The following CFAP20DC variants were observed in gnomAD, a reference collection of about 807,000 sequenced individuals.
CFAP20DC encodes protein CFAP20DC.
A neutral mutation model predicts 101.7 loss-of-function variants in CFAP20DC; 84 were observed. That is an observed-to-expected ratio of 0.83 (90% CI 0.69 to 0.99). CFAP20DC has a LOEUF of 0.99. Ranked by LOEUF, CFAP20DC falls within the 50% of genes least tolerant of loss-of-function variation. The pLI, the probability that CFAP20DC is intolerant of heterozygous loss-of-function variation, is 0.00. For missense variants in CFAP20DC, 1,007 were observed against 970.3 expected (o/e 1.04, Z -0.50); for synonymous variants, 359 against 351.2 (o/e 1.02, Z -0.25).
In CFAP20DC at chr3:58,803,734, T is replaced by C. The variant is rs553833329; in HGVS notation, c.2237+2661A>G. 2.0e-5 allele frequency among the ~76,000 whole-genome samples: 3 copies of C among 152,352 alleles called. No individual in the cohort carries two copies. In the East Asian group the frequency reaches 5.8e-4, roughly 29 times the overall value. Reference sequence around the variant, plus strand: ...GTTTTCTGAACAGTTATATGATAATTTTTTAGGAAACTGGTAGATAACTTG... The same window carrying C: ...GTTTTCTGAACAGTTATATGATAATCTTTTAGGAAACTGGTAGATAACTTG... On this transcript the variant is annotated intron_variant, in intron 15 of 16. Transcript: ENST00000482387.
chr3:58,848,820 A>G (rs1185555791), intron 13 of CFAP20DC, among the ~76,000 whole-genome samples: 1 of 152,206 alleles, frequency 6.6e-6, no homozygotes, highest in East Asian at 1.9e-4. Context: ...CTTTCTCATT[A>G]AAAACATGAG....
intron 1 of CFAP20DC, 96 bp downstream of exon 1, chr3:59,049,515 G>T: frequency 8.8e-7 from 1 of 1,130,716 alleles, no homozygotes. Context: ...ACCTTATTAT[G>T]GGGATAGAGG....
At chr3:58,956,554 T>C (rs1303792480) in intron 4 of CFAP20DC, among the ~76,000 whole-genome samples, 3 of 152,132 alleles carry the variant, frequency 2.0e-5, no homozygotes, top group African/African-American at 7.2e-5. Context: ...TTTTTGACTT[T>C]AGTCCCTGGC....
chr3:58,852,917 T>A (rs868152951), intron 12 of CFAP20DC, among the ~76,000 whole-genome samples: 2 of 151,146 alleles, frequency 1.3e-5, no homozygotes, highest in Admixed American at 1.3e-4. Flanking sequence ...ACATCACAAT[T>A]AAAAGAACTA....
chr3:58,801,779 G>T (rs1160300578), intron 15 of CFAP20DC, among the ~76,000 whole-genome samples: 1 of 152,204 alleles, frequency 6.6e-6, no homozygotes, highest in Non-Finnish European at 1.5e-5. Context: ...GGCTTTATCA[G>T]ATAATTATGG....
chr3:59,043,963 C>A (rs1290899577), intron 3 of CFAP20DC, among the ~76,000 whole-genome samples: 1 of 152,164 alleles, frequency 6.6e-6, no homozygotes, highest in Non-Finnish European at 1.5e-5. Context: ...GAAGATGATT[C>A]AGGAAGATCC....
At chr3:58,905,875 G>C (rs2083536312) in intron 6 of CFAP20DC, among the ~76,000 whole-genome samples, 1 of 152,062 alleles carries the variant, frequency 6.6e-6, no homozygotes, top group Non-Finnish European at 1.5e-5. Context: ...ACCAAATCTT[G>C]GCATTCTTAC....
Position 58,912,642 on chromosome 3 carries a change from A to T in CFAP20DC, c.550+1066T>A. Reference sequence around the variant, plus strand: ...TTAACAAATAATAATCCCAGATGAAAATCAAAAGGAGGCATCAGTATTCTT... The same window carrying T: ...TTAACAAATAATAATCCCAGATGAATATCAAAAGGAGGCATCAGTATTCTT... On this transcript the variant is annotated intron_variant, in intron 6 of 16. Transcript: ENST00000482387. This position sits in a 1 kb window ranked among gnomAD's most constrained non-coding sequence, Gnocchi z 4.4. 2.3e-6 allele frequency: 1 copy of T among 428,694 alleles called. No homozygotes were observed. The highest frequency in any genetic ancestry group is 1.7e-5 in the South Asian group (1 of 58,736). The allele number at this position is 428,694 out of a possible 1,614,324, so 26.6% of individuals were successfully genotyped here. A position where few individuals can be genotyped will look rare whatever the true frequency, so the allele number is the denominator to read the frequency against.
chr3:59,027,178 T>C (rs748840616), intron 4 of CFAP20DC, among the ~76,000 whole-genome samples: 1 of 152,142 alleles, frequency 6.6e-6, no homozygotes, highest in Non-Finnish European at 1.5e-5. Context: ...TCAAACTCCA[T>C]TCAGATACAA....
At chr3:58,810,975 T>C (rs1476057384) in intron 14 of CFAP20DC, among the ~76,000 whole-genome samples, 1 of 151,766 alleles carries the variant, frequency 6.6e-6, no homozygotes, top group African/African-American at 2.4e-5. Flanking sequence ...GAGAAGAAAA[T>C]ACCTAGGAAT....
chr3:58,988,895 C>T (rs941166475), intron 4 of CFAP20DC, among the ~76,000 whole-genome samples: 11 of 152,036 alleles, frequency 7.2e-5, no homozygotes, highest in African/African-American at 2.7e-4. Flanking sequence ...ACCATCAATA[C>T]CCATGGTTCC....
chr3:58,849,997 C>G (rs1575917964), intron 12 of CFAP20DC, among the ~76,000 whole-genome samples: 1 of 151,934 alleles, frequency 6.6e-6, no homozygotes, highest in Non-Finnish European at 1.5e-5. Flanking sequence ...TATTTTTCCA[C>G]AAAATATGAA....
chr3:58,884,771 C>T, intron 6 of CFAP20DC, 62 bp from the exon 7 acceptor site: 1 of 1,309,934 alleles, frequency 7.6e-7, no homozygotes, highest in Admixed American at 2.1e-5. Flanking sequence ...ATGGACCTAT[C>T]ATATAAATGA....
intron 4 of CFAP20DC, among the ~76,000 whole-genome samples, chr3:58,978,684 G>C (rs1042653200): frequency 1.3e-5 from 2 of 150,712 alleles, no homozygotes; most frequent in Non-Finnish European, 2.9e-5. Context: ...ACTCCAGCCT[G>C]GGTGACAAGA....
chr3:58,900,777 G>A (rs1283070630), intron 6 of CFAP20DC, among the ~76,000 whole-genome samples: 2 of 152,164 alleles, frequency 1.3e-5, no homozygotes, highest in Non-Finnish European at 2.9e-5. Context: ...GTGTATTATT[G>A]GAATGTTTGA....
At chr3:58,813,268 C>T (rs1201528081) in intron 14 of CFAP20DC, among the ~76,000 whole-genome samples, 1 of 151,900 alleles carries the variant, frequency 6.6e-6, no homozygotes, top group African/African-American at 2.4e-5. Flanking sequence ...TCATGTAGCC[C>T]TAAACACTTG....
chr3:58,771,206 C>T (rs1165284110), intron 15 of CFAP20DC, among the ~76,000 whole-genome samples: 2 of 151,268 alleles, frequency 1.3e-5, no homozygotes, highest in African/African-American at 4.9e-5. Context: ...ATAATGAGAA[C>T]ACATGGACAC....
At chr3:58,968,531 T>C (rs113011063) in intron 4 of CFAP20DC, among the ~76,000 whole-genome samples, 2 of 152,356 alleles carry the variant, frequency 1.3e-5, no homozygotes, top group African/African-American at 4.8e-5. Flanking sequence ...TGTCTCTTCA[T>C]GTCCTTTGCC....
chr3:58,862,261 A>C, intron 12 of CFAP20DC: 1 of 985,396 alleles, frequency 1.0e-6, no homozygotes, highest in Non-Finnish European at 1.2e-6. Flanking sequence ...TCATAAAATG[A>C]ACTGAATTAA....
Sources: allele counts gnomAD v4.1 joint callset (sites outside exome capture counted in the v4.1 genomes callset), GRCh38; gene constraint gnomAD v4.1.1; non-coding constraint Gnocchi (gnomAD v3.1); transcripts MANE v1.5; gene names NCBI Gene and HGNC (gene_info 2026-07-23, HGNC 2026-07-21).